The following BICD1 variants were observed in gnomAD, a reference collection of about 807,000 sequenced individuals.
BICD1 encodes the protein protein bicaudal D homolog 1.
In BICD1, 35 loss-of-function variants were observed where a neutral mutation model predicts 92.5. That is an observed-to-expected ratio of 0.38 (90% confidence interval 0.29 to 0.50). The LOEUF (loss-of-function observed/expected upper bound fraction) is 0.50, where lower values mean the gene tolerates loss of function less well. Ranked by LOEUF, BICD1 falls within the 20% of genes least tolerant of loss-of-function variation. The probability of loss-of-function intolerance (pLI) is 0.93; values close to 1 mark genes in which losing one functional copy is unlikely to be tolerated. For synonymous variants in BICD1, 429 were observed against 465.1 expected (o/e 0.92, Z 1.00); for missense variants, 950 against 1,189.8 (o/e 0.80, Z 2.97).
chr12:32,238,334 G>T (rs1946134080), intron 2 of BICD1, among the ~76,000 whole-genome samples: 1 of 152,192 alleles, frequency 6.6e-6, no homozygotes, highest in African/African-American at 2.4e-5. Flanking sequence ...TTAAAGATGT[G>T]ACTGAATTGC....
At chr12:32,340,455 GTCT>G (rs1314765729) in intron 8 of BICD1, 3 of 985,376 alleles carry the variant, frequency 3.0e-6, no homozygotes, top group Non-Finnish European at 3.6e-6. Flanking sequence ...AAACCCACAA[GTCT>G]TCTTTTTAGT....
At chr12:32,235,404 G>A (rs1305624663) in intron 2 of BICD1, among the ~76,000 whole-genome samples, 2 of 152,090 alleles carry the variant, frequency 1.3e-5, no homozygotes, top group Non-Finnish European at 2.9e-5. Context: ...TTGGTCGTGC[G>A]TTCCAATGAA....
intron 1 of BICD1, among the ~76,000 whole-genome samples, chr12:32,142,578 A>G (rs1052297015): frequency 1.3e-5 from 2 of 152,024 alleles, no homozygotes; most frequent in African/African-American, 2.4e-5. Context: ...TTGTTTTTCT[A>G]TAAAAAAGGC....
rs140068155 is a variant in BICD1, at chr12:32,337,806, C to T, written c.2560C>T (p.Gln854Ter). The T allele has an allele frequency of 9.3e-6, 15 of 1,613,952 alleles. No homozygotes were observed. Among genetic ancestry groups the T allele is most frequent in the Non-Finnish European group, 1.2e-5 (14 of 1,180,000 alleles). Reference protein sequence around the residue: ...TPNIRVSSGTQRKRQFSPSLC... With the variant: ...TPNIRVSSGT ...CAACATTCGGGTCAGCAGTGGCACT[C>T]AGAGGAAAAGGTATGCATGCAGCGA... The change falls in exon 7 of 10, where the codon CAG (glutamine) becomes TAG (stop). Residue 854 changes from glutamine to a stop codon, truncating the protein, a stop_gained. Transcript: ENST00000652176. LOFTEE classifies it high-confidence loss of function. This position sits in a 1 kb window ranked among gnomAD's most constrained non-coding sequence, Gnocchi z 4.7.
At chr12:32,369,113 T>G (rs1454027393) in intron 9 of BICD1, among the ~76,000 whole-genome samples, 2 of 152,232 alleles carry the variant, frequency 1.3e-5, no homozygotes, top group Non-Finnish European at 2.9e-5. Flanking sequence ...TTAAAACAGG[T>G]TTGCACAGTC....
At chr12:32,149,650 A>G (rs534232997) in intron 1 of BICD1, among the ~76,000 whole-genome samples, 2 of 152,230 alleles carry the variant, frequency 1.3e-5, no homozygotes, top group African/African-American at 2.4e-5. Flanking sequence ...TATCTGACTT[A>G]GGAGAATTCT....
chr12:32,257,211 C>CAAAAAAAAAAA (rs35294412), intron 2 of BICD1, among the ~76,000 whole-genome samples: 2 of 78,250 alleles, frequency 2.6e-5, no homozygotes, highest in Non-Finnish European at 2.3e-5. Flanking sequence ...GACTCTGTCT[C>CAAAAAAAAAAA]AAAAAAAAAA....
At chr12:32,283,939 C>T (rs1947486944) in intron 2 of BICD1, among the ~76,000 whole-genome samples, 2 of 152,220 alleles carry the variant, frequency 1.3e-5, no homozygotes, top group African/African-American at 2.4e-5. Flanking sequence ...TGGAGAATAG[C>T]GGCCGTGCAG....
chr12:32,237,260 A>G (rs1471236494), intron 2 of BICD1, among the ~76,000 whole-genome samples: 1 of 152,162 alleles, frequency 6.6e-6, no homozygotes, highest in African/African-American at 2.4e-5. Context: ...TGCAGAAGGA[A>G]AGCTTGAAGC....
At chr12:32,117,213 T>C (rs1444436516) in intron 1 of BICD1, among the ~76,000 whole-genome samples, 1 of 152,206 alleles carries the variant, frequency 6.6e-6, no homozygotes, top group East Asian at 1.9e-4. Context: ...GAATACTCTA[T>C]GGGGAGTTGT....
At chr12:32,320,848 C>A (rs1948636496) in intron 4 of BICD1, among the ~76,000 whole-genome samples, 2 of 149,448 alleles carry the variant, frequency 1.3e-5, no homozygotes, top group Non-Finnish European at 3.0e-5. Flanking sequence ...CAGACAGAAA[C>A]TGAAGATTGT....
intron 1 of BICD1, among the ~76,000 whole-genome samples, chr12:32,189,848 A>G (rs1218075007): frequency 1.3e-5 from 2 of 151,852 alleles, no homozygotes; most frequent in South Asian, 2.1e-4. Context: ...ACAGGCACGC[A>G]CCACCATGCC....
chr12:32,274,885 A>G (rs1947236496), intron 2 of BICD1, among the ~76,000 whole-genome samples: 1 of 152,214 alleles, frequency 6.6e-6, no homozygotes, highest in Admixed American at 6.5e-5. Context: ...CCAAGCTGTA[A>G]AATGGGACTA....
chr12:32,259,397 G>A (rs529035329), intron 2 of BICD1, among the ~76,000 whole-genome samples: 3 of 152,234 alleles, frequency 2.0e-5, no homozygotes, highest in South Asian at 2.1e-4. Context: ...GATTGATTAC[G>A]ATCTATGTAA....
intron 1 of BICD1, among the ~76,000 whole-genome samples, chr12:32,175,097 AT>A (rs1944053528): frequency 1.3e-5 from 2 of 152,204 alleles, no homozygotes; most frequent in South Asian, 4.2e-4. Flanking sequence ...ATTTGCAAGC[AT>A]TTATTAGTTG....
intron 1 of BICD1, among the ~76,000 whole-genome samples, chr12:32,141,809 C>G (rs907104680): frequency 6.6e-6 from 1 of 152,074 alleles, no homozygotes; most frequent in Non-Finnish European, 1.5e-5. Context: ...ACCACAGATT[C>G]CCGAAGCCAG....
intron 2 of BICD1, among the ~76,000 whole-genome samples, chr12:32,226,500 C>T (rs1169013182): frequency 6.6e-6 from 1 of 152,146 alleles, no homozygotes; most frequent in African/African-American, 2.4e-5. Context: ...CTTTAAATAA[C>T]CATCTCCTCA....
chr12:32,366,424 AG>A (rs1272919455), intron 8 of BICD1, among the ~76,000 whole-genome samples: 3 of 152,254 alleles, frequency 2.0e-5, no homozygotes, highest in Non-Finnish European at 4.4e-5. Flanking sequence ...GTTCAAGACC[AG>A]CCTGACCAAT....
intron 1 of BICD1, among the ~76,000 whole-genome samples, chr12:32,146,292 T>G (rs1943101093): frequency 6.6e-6 from 1 of 152,188 alleles, no homozygotes; most frequent in Non-Finnish European, 1.5e-5. Context: ...CTTCCAAAGC[T>G]TGGGCTTGGG....
Sources: allele counts gnomAD v4.1 joint callset (sites outside exome capture counted in the v4.1 genomes callset), GRCh38; gene constraint gnomAD v4.1.1; non-coding constraint Gnocchi (gnomAD v3.1); transcripts MANE v1.5; gene names NCBI Gene and HGNC (gene_info 2026-07-23, HGNC 2026-07-21).